GRID2: variants seen among roughly 807,000 people sequenced by gnomAD.
GRID2 encodes the protein glutamate receptor ionotropic, delta-2.
GRID2 carries 33 observed loss-of-function variants against 114.8 expected under a neutral mutation model. That is an observed-to-expected ratio of 0.29 (90% confidence interval 0.22 to 0.38). The LOEUF is 0.38. Ranked by LOEUF, GRID2 falls within the 10% of genes least tolerant of loss-of-function variation. The probability of loss-of-function intolerance (pLI) is 1.00; values close to 1 mark genes in which losing one functional copy is unlikely to be tolerated. For synonymous variants in GRID2, 505 were observed against 449.9 expected, an observed-to-expected ratio of 1.12 and a Z score of -1.55; for missense variants, 1,184 against 1,257.7, an observed-to-expected ratio of 0.94 and a Z score of 0.89.
intron 2 of GRID2, among the ~76,000 whole-genome samples, chr4:92,923,657 C>T (rs527835915): frequency 2.0e-5 from 3 of 152,224 alleles, no homozygotes; most frequent in Admixed American, 6.5e-5. Context: ...GGAGTAGATA[C>T]ATTATACACA....
At chr4:93,808,885 A>AC (rs1262059950) in exon 2 of GRID2, 2 of 152,144 alleles carry the variant, frequency 1.3e-5, no homozygotes, top group African/African-American at 4.8e-5. Context: ...GGAGACACTG[A>AC]CCCCATTAAA....
chr4:92,945,644 G>T (rs979562016), intron 2 of GRID2, among the ~76,000 whole-genome samples: 1 of 152,128 alleles, frequency 6.6e-6, no homozygotes, highest in Non-Finnish European at 1.5e-5. Context: ...CAGCACTAAG[G>T]TTCATGGTAG....
At chr4:92,647,012 C>G (rs1007112741) in intron 2 of GRID2, among the ~76,000 whole-genome samples, 1 of 152,052 alleles carries the variant, frequency 6.6e-6, no homozygotes. Context: ...AGCAGTACAA[C>G]TTGTTCCCTA....
chr4:92,590,367 A>G, intron 2 of GRID2, 81 bp downstream of exon 2: 1 of 959,320 alleles, frequency 1.0e-6, no homozygotes, highest in Non-Finnish European at 1.6e-6. Flanking sequence ...CTTATTAAAC[A>G]TGGACATCAT....
chr4:92,434,769 A>T (rs1199365089), intron 1 of GRID2, among the ~76,000 whole-genome samples: 1 of 152,160 alleles, frequency 6.6e-6, no homozygotes, highest in African/African-American at 2.4e-5. Context: ...AAATTAATAT[A>T]ATATATAGAT....
intron 2 of GRID2, among the ~76,000 whole-genome samples, chr4:92,644,766 G>A (rs1731527938): frequency 6.6e-6 from 1 of 151,452 alleles, no homozygotes; most frequent in Non-Finnish European, 1.5e-5. Flanking sequence ...TATAAGAGTT[G>A]TATAGTTCAA....
Position 93,619,313 on chromosome 4 carries a change from A to G in GRID2, c.2194-6956A>G, listed in dbSNP as rs570756574. 3.3e-5 allele frequency among the ~76,000 whole-genome samples: 5 copies of G among 152,360 alleles called. 1 individual carries two copies. Among genetic ancestry groups the G allele is most frequent in the African/African-American group, 1.2e-4 (5 of 41,600 alleles). On this transcript the variant is annotated intron_variant, in intron 13 of 15. Coordinates refer to ENST00000282020, the MANE Select transcript of GRID2 (RefSeq NM_001510.4). ...TGCTGCTAAATTATTAATTTGCCCA[A>G]AGTGTGAGAGGCTACCGCCCAGAAC... is the stretch of plus-strand genomic sequence containing the variant.
chr4:93,270,021 C>T (rs1751264461), intron 8 of GRID2, among the ~76,000 whole-genome samples: 2 of 152,026 alleles, frequency 1.3e-5, no homozygotes, highest in African/African-American at 2.4e-5. Flanking sequence ...CAGTTTTTTC[C>T]AGTAAGTAAA....
chr4:93,020,206 A>G (rs915781291), intron 2 of GRID2, among the ~76,000 whole-genome samples: 1 of 152,210 alleles, frequency 6.6e-6, no homozygotes, highest in South Asian at 2.1e-4. Context: ...GTGCAATGTC[A>G]TATTACAATT....
intron 1 of GRID2, among the ~76,000 whole-genome samples, chr4:92,431,347 A>G (rs979156906): frequency 3.3e-5 from 5 of 152,146 alleles, no homozygotes; most frequent in African/African-American, 1.2e-4. Flanking sequence ...CTTTTTAGGC[A>G]TCTATTGAAA....
intron 2 of GRID2, among the ~76,000 whole-genome samples, chr4:92,961,601 C>T (rs1253480648): frequency 2.0e-5 from 3 of 150,294 alleles, no homozygotes; most frequent in African/African-American, 4.9e-5. Context: ...ATTTTTGTTT[C>T]TTTATTTTGA....
chr4:92,989,979 G>C (rs1754766307), intron 2 of GRID2, among the ~76,000 whole-genome samples: 1 of 152,040 alleles, frequency 6.6e-6, no homozygotes, highest in South Asian at 2.1e-4. Flanking sequence ...CTAGATGGGA[G>C]GAATTTACTG....
intron 1 of GRID2, among the ~76,000 whole-genome samples, chr4:92,324,164 T>C (rs530522413): frequency 6.6e-6 from 1 of 152,110 alleles, no homozygotes; most frequent in African/African-American, 2.4e-5. Context: ...CTAGGTGCAG[T>C]GAATATATCA....
intron 14 of GRID2, among the ~76,000 whole-genome samples, chr4:93,701,042 T>A (rs1727465639): frequency 6.6e-6 from 1 of 152,002 alleles, no homozygotes; most frequent in African/African-American, 2.4e-5. Flanking sequence ...TCACAAAGAG[T>A]TATAGTTTTT....
chr4:92,606,181 C>T lies in GRID2; in HGVS notation c.244+15895C>T, dbSNP rs75159281. Among the ~76,000 whole-genome samples, 1,146 of 148,402 alleles carry T rather than the reference C, an allele frequency of 7.7e-3. 12 individuals carry two copies. The highest frequency in any genetic ancestry group is 0.027 in the African/African-American group (1,095 of 40,800). ...TGTGGCTTTTATAGTTTTCTGTACA[C>T]TTGTACAAAAGAGCCTCATTTGATA... On this transcript the variant is annotated intron_variant, in intron 2 of 15. Coordinates refer to ENST00000282020, the MANE Select transcript of GRID2 (RefSeq NM_001510.4).
intron 14 of GRID2, among the ~76,000 whole-genome samples, chr4:93,728,023 G>T (rs1235111509): frequency 6.6e-6 from 1 of 152,066 alleles, no homozygotes; most frequent in African/African-American, 2.4e-5. Context: ...CTTGCCTTCT[G>T]CTAGCTTTTG....
rs1560969967 is a variant in GRID2 at position 93,192,770 on chromosome 4, AAG to A, written c.736-14630_736-14629del. ...CTCAAAAAAAAAAAAAAAAAAAAAA[AAG>A]AGATTTCTGTTGATTTTAAAATTAT... On this transcript the variant is annotated intron_variant, in intron 4 of 15. Coordinates refer to ENST00000282020, the MANE Select transcript of GRID2 (RefSeq NM_001510.4). Among the ~76,000 whole-genome samples the A allele has an allele frequency of 8.0e-5, 12 of 150,918 alleles. No homozygotes were observed. The East Asian group carries it at 9.9e-4, about 12-fold the overall frequency.
intron 14 of GRID2, among the ~76,000 whole-genome samples, chr4:93,701,523 T>C (rs891117716): frequency 1.3e-5 from 2 of 152,144 alleles, no homozygotes; most frequent in Non-Finnish European, 2.9e-5. Context: ...ACTTTTATAC[T>C]TGATAACTCA....
intron 2 of GRID2, among the ~76,000 whole-genome samples, chr4:92,844,708 A>C: frequency 6.7e-6 from 1 of 148,596 alleles, no homozygotes; most frequent in African/African-American, 2.5e-5. Context: ...TCTGTCTCAA[A>C]AAAAAAAAAA....
Sources: gnomAD v4.1 joint callset for allele counts (sites outside exome capture counted in the v4.1 genomes callset) on GRCh38, gnomAD v4.1.1 for gene constraint, MANE v1.5 for transcripts, NCBI Gene and HGNC (gene_info 2026-07-23, HGNC 2026-07-21) for gene names.